Variants in NAA11 observed in about 807,000 individuals in gnomAD.
The protein encoded by NAA11 is N-alpha-acetyltransferase 11, NatA catalytic subunit, also known as N-alpha-acetyltransferase 11.
Under a neutral mutation model 16.1 loss-of-function variants are expected in NAA11, and 15 were observed. That is an observed-to-expected ratio of 0.93 (90% CI 0.62 to 1.44). NAA11 has a LOEUF of 1.44. NAA11 is among the 40% of genes most tolerant of loss of function. The probability of loss-of-function intolerance (pLI) is 0.00; values close to 1 mark genes in which losing one functional copy is unlikely to be tolerated. For synonymous variants in NAA11, 122 were observed against 112.4 expected, an observed-to-expected ratio of 1.09 and a Z score of -0.54; for missense variants, 298 against 291.3, an observed-to-expected ratio of 1.02 and a Z score of -0.17.
chr4:79,280,955 G>A (rs1207048342), intron 2 of NAA11, among the ~76,000 whole-genome samples: 2 of 152,046 alleles, frequency 1.3e-5, no homozygotes, highest in East Asian at 1.9e-4. Flanking sequence ...AGGTTGCAGG[G>A]TGTGGTGAGT....
intron 2 of NAA11, among the ~76,000 whole-genome samples, chr4:79,293,138 A>C (rs553070499): frequency 4.2e-3 from 639 of 152,278 alleles, no homozygotes; most frequent in Non-Finnish European, 6.3e-3. Context: ...TGTGTTTTGC[A>C]TGCCCTCTGT....
In NAA11 at chr4:79,325,809, A is replaced by T; in HGVS notation, c.69T>A (p.Pro23=). Residue 23 remains proline, a synonymous_variant, in exon 1 of 2, where the codon CCT becomes CCA. Coordinates refer to ENST00000286794, the MANE Select transcript of NAA11 (RefSeq NM_032693.3). ...NMQHCNLLCL[P]ENYQMKYYLY... is the part of the protein sequence containing the mutation. The stretch of plus-strand genomic sequence containing the variant: ...AATAGTATTTCATCTGGTAGTTCTC[A>T]GGAAGGCAAAGGAGGTTGCAGTGTT... 1 of 1,614,156 alleles carries T rather than the reference A, an allele frequency of 6.2e-7. No homozygotes were observed. Among genetic ancestry groups the T allele is most frequent in the Admixed American group, 1.7e-5 (1 of 60,022 alleles).
intron 1 of NAA11, among the ~76,000 whole-genome samples, chr4:79,303,027 T>G (rs1443170105): frequency 6.8e-6 from 1 of 147,646 alleles, no homozygotes; most frequent in Non-Finnish European, 1.5e-5. Context: ...CATCTTGACT[T>G]TTTAATTTGT....
At chr4:79,289,516 C>T (rs779153743) in intron 2 of NAA11, among the ~76,000 whole-genome samples, 5 of 152,172 alleles carry the variant, frequency 3.3e-5, no homozygotes, top group African/African-American at 7.2e-5. Context: ...CATCAATTAT[C>T]TCGTTTTTTT....
intron 1 of NAA11, among the ~76,000 whole-genome samples, chr4:79,302,552 C>G (rs1271609907): frequency 6.6e-6 from 1 of 152,046 alleles, no homozygotes; most frequent in Admixed American, 6.6e-5. Context: ...ATTGCATTGT[C>G]TGAGACTGTA....
intron 2 of NAA11, among the ~76,000 whole-genome samples, chr4:79,243,567 G>A (rs1164874253): frequency 6.6e-6 from 1 of 152,186 alleles, no homozygotes; most frequent in Non-Finnish European, 1.5e-5. Flanking sequence ...TTTATTGTAT[G>A]TTTACTGTCT....
intron 2 of NAA11, among the ~76,000 whole-genome samples, chr4:79,273,959 C>T (rs1722560590): frequency 6.6e-6 from 1 of 151,936 alleles, no homozygotes; most frequent in Admixed American, 6.6e-5. Context: ...ACCAAGAAGC[C>T]AGAGCTTGTG....
At chr4:79,307,220 T>G (rs185325839) in intron 1 of NAA11, 1 of 152,368 alleles carries the variant, frequency 6.6e-6, no homozygotes, top group African/African-American at 2.4e-5. Context: ...GAATCTATTT[T>G]CTGCTCTGAA....
At chr4:79,295,396 T>C (rs1383690936) in intron 1 of NAA11, among the ~76,000 whole-genome samples, 2 of 152,220 alleles carry the variant, frequency 1.3e-5, no homozygotes, top group African/African-American at 2.4e-5. Context: ...TCAGAAAAGA[T>C]TGTTGACTAA....
chr4:79,182,667 C>T, the NAA11 span, among the ~76,000 whole-genome samples: 2 of 151,974 alleles, frequency 1.3e-5, no homozygotes, highest in South Asian at 2.1e-4. Context: ...GACTAATGAG[C>T]GCTTCACTCA....
rs560913607 is a variant in NAA11, at chr4:79,272,283, T to C, written c.*122+21722A>G. ...ATATTTGATGTTGTGAAAAGAGAAT[T>C]TGTACAGTTTTCCAAACTTGTTGGA... is the stretch of plus-strand genomic sequence containing the variant. On this transcript the variant is annotated intron_variant and NMD_transcript_variant, in intron 2 of 2. Coordinates refer to the NAA11 transcript ENST00000511542. Among the ~76,000 whole-genome samples the C allele has an allele frequency of 7.9e-5, 12 of 152,170 alleles. No homozygotes were observed. In the South Asian group the frequency reaches 2.5e-3, roughly 32 times the overall value.
At chr4:79,306,604 C>T (rs1253750352) in intron 1 of NAA11, 1 of 152,182 alleles carries the variant, frequency 6.6e-6, no homozygotes, top group African/African-American at 2.4e-5. Context: ...AGATTCAGCC[C>T]ATAACAGAAA....
intron 1 of NAA11, among the ~76,000 whole-genome samples, chr4:79,318,716 A>G (rs1020542565): frequency 4.6e-5 from 7 of 152,224 alleles, no homozygotes; most frequent in Non-Finnish European, 1.0e-4. Flanking sequence ...CAGAAAGACT[A>G]TCATCATTGC....
intron 2 of NAA11, among the ~76,000 whole-genome samples, chr4:79,246,847 G>C (rs959362421): frequency 1.3e-5 from 2 of 152,174 alleles, no homozygotes; most frequent in African/African-American, 4.8e-5. Flanking sequence ...AAATTCCTTT[G>C]ATATAAAAGT....
chr4:79,300,204 C>CA (rs2110001186), intron 1 of NAA11, among the ~76,000 whole-genome samples: 1 of 152,258 alleles, frequency 6.6e-6, no homozygotes, highest in East Asian at 1.9e-4. Context: ...AGGTGTTAGG[C>CA]AAAATGCATG....
At chr4:79,196,891 G>A in the NAA11 span, among the ~76,000 whole-genome samples, 1 of 133,732 alleles carries the variant, frequency 7.5e-6, no homozygotes, top group Non-Finnish European at 1.5e-5. Flanking sequence ...TGCCATCACT[G>A]GCTTTGAAGA....
chr4:79,278,389 C>T (rs1391763009), intron 2 of NAA11, among the ~76,000 whole-genome samples: 3 of 152,058 alleles, frequency 2.0e-5, no homozygotes, highest in African/African-American at 7.2e-5. Context: ...TGTACTAAGC[C>T]CTGAATTACC....
intron 2 of NAA11, among the ~76,000 whole-genome samples, chr4:79,283,372 T>G (rs988198088): frequency 3.3e-5 from 5 of 151,790 alleles, no homozygotes; most frequent in African/African-American, 1.2e-4. Context: ...GGAAGGTAAC[T>G]TTTTTTTAGA....
chr4:79,216,554 G>A, the NAA11 span, among the ~76,000 whole-genome samples: 18 of 152,086 alleles, frequency 1.2e-4, no homozygotes, highest in Admixed American at 2.0e-4. Context: ...ATTTGTAGAG[G>A]AGGGCTGAGT....
Sources: allele counts gnomAD v4.1 joint callset (sites outside exome capture counted in the v4.1 genomes callset), GRCh38; gene constraint gnomAD v4.1.1; transcripts MANE v1.5; gene names NCBI Gene and HGNC (gene_info 2026-07-23, HGNC 2026-07-21).